Variants in KLHL3 observed in about 807,000 individuals in gnomAD.
The protein encoded by KLHL3 is kelch like family member 3.
Under a neutral mutation model 70.5 loss-of-function variants are expected in KLHL3, and 19 were observed. The ratio of observed to expected loss-of-function variants is 0.27; its 90% CI spans 0.19 to 0.40. The LOEUF (loss-of-function observed/expected upper bound fraction) is 0.40. KLHL3 is among the 10% of genes least tolerant of loss of function. The pLI is 1.00. For synonymous variants in KLHL3, 258 were observed against 290.3 expected (o/e 0.89, Z 1.13); for missense variants, 512 against 771.1 (o/e 0.66, Z 3.98).
chr5:137,665,987 C>G (rs938715523), intron 6 of KLHL3, among the ~76,000 whole-genome samples: 1 of 152,118 alleles, frequency 6.6e-6, no homozygotes, highest in African/African-American at 2.4e-5. Flanking sequence ...GCACATACAC[C>G]ATAGAAATCC....
rs954427615 is a variant in KLHL3 at position 137,639,525 on chromosome 5, C to T, written c.1021+335G>A. Among the ~76,000 whole-genome samples the T allele has an allele frequency of 1.3e-5, 2 of 151,886 alleles. No homozygotes were observed. Among genetic ancestry groups the T allele is most frequent in the Non-Finnish European group, 2.9e-5 (2 of 67,984 alleles). ...GCTTGGCCAAAATGGTGAAACCCGT[C>T]TCTACTAAAAATGCAAAAATTAGCT... On this transcript the variant is annotated intron_variant, in intron 9 of 14. Coordinates refer to ENST00000309755, the MANE Select transcript of KLHL3 (RefSeq NM_017415.3). The surrounding 1 kb of genome is among the most constrained non-coding windows in gnomAD (Gnocchi z 5.0).
At chr5:137,636,172 T>C (rs950816954) in intron 11 of KLHL3, among the ~76,000 whole-genome samples, 2 of 152,168 alleles carry the variant, frequency 1.3e-5, no homozygotes, top group Non-Finnish European at 1.5e-5. Flanking sequence ...ACTTATTTAG[T>C]ATGTTAGAAT....
chr5:137,695,095 A>G (rs750108706), intron 4 of KLHL3, among the ~76,000 whole-genome samples: 100 of 152,300 alleles, frequency 6.6e-4, no homozygotes, highest in Non-Finnish European at 1.2e-3. Context: ...CCAAGGAGAC[A>G]GCAGCACAGT....
chr5:137,682,403 T>TAGAGAGAGAGAGAGAGAGAGAGAG (rs10578622), intron 5 of KLHL3, among the ~76,000 whole-genome samples: 1,658 of 133,272 alleles, frequency 0.012, 43 homozygotes, highest in Non-Finnish European at 0.016. Context: ...GTGCTGGACA[T>TAGAGAGAGAGAGAGAGAGAGAGAG]AGAGAGAGAG....
At chr5:137,716,860 T>C (rs972616028) in intron 2 of KLHL3, among the ~76,000 whole-genome samples, 6 of 152,108 alleles carry the variant, frequency 3.9e-5, no homozygotes, top group South Asian at 2.1e-4. Flanking sequence ...GTTAGAACCT[T>C]AGGGAGGAAA....
At chr5:137,642,634 C>T (rs1750943080) in intron 8 of KLHL3, among the ~76,000 whole-genome samples, 1 of 152,064 alleles carries the variant, frequency 6.6e-6, no homozygotes, top group African/African-American at 2.4e-5. Context: ...ATAGCACATG[C>T]AAGGAGTTAA....
intron 5 of KLHL3, among the ~76,000 whole-genome samples, chr5:137,690,118 T>C (rs992816840): frequency 6.6e-6 from 1 of 152,132 alleles, no homozygotes; most frequent in South Asian, 2.1e-4. Context: ...ACAAGGTCAG[T>C]AGATCGAGAC....
rs1421937394 is a variant in KLHL3, at chr5:137,665,725, T to C, written c.637-3694A>G. 2.0e-5 allele frequency among the ~76,000 whole-genome samples: 3 copies of C among 152,208 alleles called. No individual in the cohort carries two copies. In the East Asian group the frequency reaches 5.8e-4, roughly 29 times the overall value. ...AGGAGGAAAAAAGGACTCCAATTTT[T>C]CTTAACCTAAGTACATTTTTTTTGT... On this transcript the variant is annotated intron_variant, in intron 6 of 14. Coordinates refer to ENST00000309755, the MANE Select transcript of KLHL3 (RefSeq NM_017415.3).
intron 3 of KLHL3, among the ~76,000 whole-genome samples, chr5:137,708,743 T>C (rs1752732101): frequency 6.6e-6 from 1 of 152,116 alleles, no homozygotes; most frequent in African/African-American, 2.4e-5. Flanking sequence ...TGTGGAACTA[T>C]GGCCAGAGTG....
intron 8 of KLHL3, among the ~76,000 whole-genome samples, chr5:137,651,015 A>G (rs753245214): frequency 1.3e-5 from 2 of 152,206 alleles, no homozygotes; most frequent in East Asian, 1.9e-4. Context: ...GTCAACCTAC[A>G]TTAGTGGTCA....
chr5:137,648,562 CA>C (rs937928838), intron 8 of KLHL3, among the ~76,000 whole-genome samples: 2 of 152,222 alleles, frequency 1.3e-5, no homozygotes, highest in Non-Finnish European at 2.9e-5. Flanking sequence ...TTGTCCATGG[CA>C]ACCCAGCCTC....
At chr5:137,690,342 A>C (rs1225597112) in intron 5 of KLHL3, among the ~76,000 whole-genome samples, 1 of 128,898 alleles carries the variant, frequency 7.8e-6, no homozygotes, top group Non-Finnish European at 1.7e-5. Context: ...AAAAAAAAAA[A>C]ATCTGCAGAG....
chr5:137,697,809 T>A (rs1752480268), intron 4 of KLHL3, among the ~76,000 whole-genome samples: 1 of 152,228 alleles, frequency 6.6e-6, no homozygotes. Context: ...AAATACATGA[T>A]GAAAAGAGCA....
At chr5:137,674,838 C>T (rs758960603) in intron 6 of KLHL3, among the ~76,000 whole-genome samples, 50 of 152,156 alleles carry the variant, frequency 3.3e-4, no homozygotes, top group African/African-American at 1.1e-3. Context: ...AATTAAAGGG[C>T]GTAGAAATCA....
At chr5:137,638,514 T>C (rs1301195866) in intron 10 of KLHL3, among the ~76,000 whole-genome samples, 3 of 152,010 alleles carry the variant, frequency 2.0e-5, no homozygotes, top group Non-Finnish European at 4.4e-5. Context: ...AAAGCTTCAG[T>C]AGGGTAGTAG....
intron 5 of KLHL3, among the ~76,000 whole-genome samples, chr5:137,686,375 A>C (rs906717137): frequency 6.6e-6 from 1 of 152,124 alleles, no homozygotes; most frequent in African/African-American, 2.4e-5. Flanking sequence ...TCTCCTCCCC[A>C]TTCCCCCTGT....
At chr5:137,713,070 G>C (rs1752826311) in intron 2 of KLHL3, among the ~76,000 whole-genome samples, 1 of 150,140 alleles carries the variant, frequency 6.7e-6, no homozygotes, top group African/African-American at 2.5e-5. Context: ...ACATAAGTAA[G>C]GTTACCAAGC....
intron 2 of KLHL3, among the ~76,000 whole-genome samples, chr5:137,710,247 A>G (rs1471871703): frequency 1.3e-5 from 2 of 152,212 alleles, no homozygotes; most frequent in East Asian, 3.8e-4. Flanking sequence ...GAACATGAGC[A>G]TACCAGTGAA....
At chr5:137,632,955 T>A (rs903624383) in intron 12 of KLHL3, among the ~76,000 whole-genome samples, 1 of 152,076 alleles carries the variant, frequency 6.6e-6, no homozygotes, top group African/African-American at 2.4e-5. Flanking sequence ...AAAACCACAG[T>A]GAGATATCAT....
Sources: allele counts gnomAD v4.1 joint callset (sites outside exome capture counted in the v4.1 genomes callset), GRCh38; gene constraint gnomAD v4.1.1; non-coding constraint Gnocchi (gnomAD v3.1); transcripts MANE v1.5; gene names NCBI Gene and HGNC (gene_info 2026-07-23, HGNC 2026-07-21).